WAPL: variants seen among roughly 807,000 people sequenced by gnomAD.
WAPL encodes the protein WAPL cohesin release factor.
A neutral mutation model predicts 121.0 loss-of-function variants in WAPL; 5 were observed. That is an observed-to-expected ratio of 0.04 (90% CI 0.02 to 0.09). WAPL has a LOEUF of 0.09. WAPL is among the 10% of genes least tolerant of loss of function. WAPL has a pLI of 1.00. For synonymous variants in WAPL, 480 were observed against 481.5 expected (o/e 1.00, Z 0.04); for missense variants, 999 against 1,410.8 (o/e 0.71, Z 4.68).
intron 4 of WAPL, among the ~76,000 whole-genome samples, chr10:86,496,114 A>G (rs1229627866): frequency 6.6e-6 from 1 of 152,168 alleles, no homozygotes; most frequent in Admixed American, 6.5e-5. Flanking sequence ...AACTCCATCT[A>G]AAACAAACAA....
rs1014878787 is a variant in WAPL, at chr10:86,437,020, T to C, written c.*523A>G. 3 of 152,654 alleles carry C rather than the reference T, an allele frequency of 2.0e-5. No homozygotes were observed. Among genetic ancestry groups the C allele is most frequent in the African/African-American group, 7.2e-5 (3 of 41,428 alleles). 9.5% of individuals were successfully genotyped at this position (152,654 alleles called of 1,614,324 possible). A position where few individuals can be genotyped will look rare whatever the true frequency, so the allele number is the denominator to read the frequency against. Reference sequence around the variant, plus strand: ...ACAACAACCAAAAAATTCACAAAATTATTAAAAGCTTTATTTACGATTGGA... The same window carrying C: ...ACAACAACCAAAAAATTCACAAAATCATTAAAAGCTTTATTTACGATTGGA... On this transcript the variant is annotated 3_prime_UTR_variant, in exon 19 of 19. Coordinates refer to ENST00000298767, the MANE Select transcript of WAPL (RefSeq NM_015045.5).
At chr10:86,506,786 T>C (rs999507562) in intron 2 of WAPL, among the ~76,000 whole-genome samples, 5 of 151,944 alleles carry the variant, frequency 3.3e-5, no homozygotes, top group African/African-American at 1.2e-4. Flanking sequence ...AAAGACCTTG[T>C]TTCTAAAAAA....
rs1841548017 is a variant in WAPL at position 86,472,184 on chromosome 10, T to C, written c.2030+24A>G. The stretch of plus-strand genomic sequence containing the variant: ...ATTTAATACAGCATGCACATAATTG[T>C]AAAATATAAAAATAAGATCTTACCT... On this transcript the variant is annotated intron_variant, in intron 7 of 18. Coordinates refer to ENST00000298767, the MANE Select transcript of WAPL (RefSeq NM_015045.5). The surrounding 1 kb of genome is among the most constrained non-coding windows in gnomAD (Gnocchi z 4.2). 1.3e-6 allele frequency: 2 copies of C among 1,533,794 alleles called. No homozygotes were observed. The highest frequency in any genetic ancestry group is 2.8e-5 in the African/African-American group (2 of 70,876).
At chr10:86,481,026 G>C (rs1841771548) in intron 4 of WAPL, among the ~76,000 whole-genome samples, 1 of 152,180 alleles carries the variant, frequency 6.6e-6, no homozygotes, top group Non-Finnish European at 1.5e-5. Context: ...TACAACATCT[G>C]AACCAGATCC....
chr10:86,509,324 C>T (rs1194861071), intron 2 of WAPL, among the ~76,000 whole-genome samples: 1 of 152,182 alleles, frequency 6.6e-6, no homozygotes, highest in Non-Finnish European at 1.5e-5. Context: ...CAGCTGCTCA[C>T]ATTACATAGC....
chr10:86,460,324 T>C (rs1401899447), intron 11 of WAPL, 75 bp downstream of exon 11: 1 of 1,174,326 alleles, frequency 8.5e-7, no homozygotes, highest in Non-Finnish European at 1.3e-6. Context: ...TATAAAATAT[T>C]TGGCAGTCTC....
intron 12 of WAPL, among the ~76,000 whole-genome samples, chr10:86,458,541 CTAATT>C (rs1255312171): frequency 6.6e-6 from 1 of 152,072 alleles, no homozygotes; most frequent in African/African-American, 2.4e-5. Context: ...TGCACATTAA[CTAATT>C]TAACTCATTA....
At chr10:86,515,018 G>A (rs867567497) in intron 2 of WAPL, among the ~76,000 whole-genome samples, 1 of 152,178 alleles carries the variant, frequency 6.6e-6, no homozygotes, top group Non-Finnish European at 1.5e-5. Flanking sequence ...CCAGCACTTG[G>A]GGAGGCCAAG....
intron 14 of WAPL, among the ~76,000 whole-genome samples, 160 bp from the exon 15 acceptor site, chr10:86,452,291 G>GAAAAAAAA (rs11345126): frequency 6.8e-6 from 1 of 147,798 alleles, no homozygotes. Context: ...AAGAAAAAAA[G>GAAAAAAAA]AAAAAAAAAA....
chr10:86,457,406 A>C (rs1564566890), intron 12 of WAPL, among the ~76,000 whole-genome samples: 1 of 151,676 alleles, frequency 6.6e-6, no homozygotes. Flanking sequence ...TAATCCCAAC[A>C]CTTTGGGAGG....
chr10:86,479,383 G>A (rs1458107586), intron 4 of WAPL, among the ~76,000 whole-genome samples: 1 of 152,004 alleles, frequency 6.6e-6, no homozygotes, highest in East Asian at 1.9e-4. Flanking sequence ...TCAGCCTCCC[G>A]AGTAGCTGGG....
intron 4 of WAPL, among the ~76,000 whole-genome samples, chr10:86,483,720 A>G (rs1841851652): frequency 7.0e-6 from 1 of 143,188 alleles, no homozygotes; most frequent in Admixed American, 7.2e-5. Context: ...TGTGAGAATT[A>G]TGATCTTCAC....
intron 2 of WAPL, among the ~76,000 whole-genome samples, chr10:86,501,268 T>C (rs1478441041): frequency 6.6e-6 from 1 of 152,204 alleles, no homozygotes; most frequent in African/African-American, 2.4e-5. Flanking sequence ...TAATCCTAAA[T>C]GCCATATAAT....
At chr10:86,463,062 C>CT (rs1236522165) in intron 9 of WAPL, among the ~76,000 whole-genome samples, 1 of 152,204 alleles carries the variant, frequency 6.6e-6, no homozygotes, top group Non-Finnish European at 1.5e-5. Flanking sequence ...AAACAGCCTA[C>CT]TAATCAAGCA....
At chr10:86,490,552 T>C (rs1842024523) in intron 4 of WAPL, among the ~76,000 whole-genome samples, 1 of 152,142 alleles carries the variant, frequency 6.6e-6, no homozygotes, top group South Asian at 2.1e-4. Flanking sequence ...TTCAACTGAA[T>C]ATAGAATTAA....
In WAPL at chr10:86,461,031, T is replaced by C. The variant is rs1426322086; in HGVS notation, c.2482+145A>G. ...CCCGGCCGGCCTCTTCTTTAAATGT[T>C]AGAAATTTGCAGGATGCAACTAAAA... On this transcript the variant is annotated intron_variant, in intron 10 of 18. Coordinates refer to ENST00000298767, the MANE Select transcript of WAPL (RefSeq NM_015045.5). The C allele has an allele frequency of 8.5e-6, 6 of 704,806 alleles. No individual in the cohort carries two copies. The East Asian group carries it at 1.5e-4, about 17-fold the overall frequency. 43.7% of individuals were successfully genotyped at this position (704,806 alleles called of 1,614,324 possible). A position where few individuals can be genotyped will look rare whatever the true frequency, so the allele number is the denominator to read the frequency against.
intron 12 of WAPL, among the ~76,000 whole-genome samples, chr10:86,454,321 C>T (rs897131096): frequency 1.3e-5 from 2 of 152,188 alleles, no homozygotes; most frequent in Admixed American, 6.5e-5. Context: ...GTCTCCTCGA[C>T]AATTTTCCAA....
intron 10 of WAPL, 102 bp downstream of exon 10, chr10:86,461,074 A>G: frequency 1.1e-6 from 1 of 921,072 alleles, no homozygotes; most frequent in Non-Finnish European, 1.6e-6. Flanking sequence ...ATGATAATAG[A>G]CATTTCCAAA....
Position 86,453,828 on chromosome 10 carries a change from T to C in WAPL, c.2661A>G (p.Ala887=). The C allele has an allele frequency of 1.3e-6, 2 of 1,599,652 alleles. No individual in the cohort carries two copies. Among genetic ancestry groups the C allele is most frequent in the Non-Finnish European group, 8.5e-7 (1 of 1,174,674 alleles). The change falls in exon 13 of 19, where the codon GCA becomes GCG. Residue 887 remains alanine, a synonymous_variant. Transcript: ENST00000298767. ...DSQLIVSSAK[A]LQHCEELIQQ... ...GAATCAGTTCTTCACAATGCTGTAA[T>C]GCTCTTAAAAGGAAATAAAATATAG...
Sources: gnomAD v4.1 joint callset for allele counts (sites outside exome capture counted in the v4.1 genomes callset) on GRCh38, gnomAD v4.1.1 for gene constraint, Gnocchi (gnomAD v3.1) non-coding constraint, MANE v1.5 for transcripts, NCBI Gene and HGNC (gene_info 2026-07-23, HGNC 2026-07-21) for gene names.